SENP2: variants seen among roughly 807,000 people sequenced by gnomAD.
The protein encoded by SENP2 is sentrin-specific protease 2.
A neutral mutation model predicts 86.3 loss-of-function variants in SENP2; 16 were observed. The ratio of observed to expected loss-of-function variants is 0.19; its 90% confidence interval spans 0.13 to 0.28. SENP2 has a LOEUF of 0.28. SENP2 is among the 10% of genes least tolerant of loss of function. The probability of loss-of-function intolerance (pLI) is 1.00; values close to 1 mark genes in which losing one functional copy is unlikely to be tolerated. For missense variants in SENP2, 552 were observed against 703.0 expected (o/e 0.79, Z 2.43); for synonymous variants, 222 against 238.7 (o/e 0.93, Z 0.64).
chr3:185,598,302 A>T, intron 2 of SENP2, 110 bp from the exon 3 acceptor site: 1 of 1,206,350 alleles, frequency 8.3e-7, no homozygotes, highest in Non-Finnish European at 1.2e-6. Context: ...CACCACACCC[A>T]GCAAATAGAA....
chr3:185,617,381 G>A (rs1711661894), intron 11 of SENP2, 99 bp from the exon 12 acceptor site: 2 of 873,036 alleles, frequency 2.3e-6, no homozygotes, highest in Non-Finnish European at 3.5e-6. Context: ...AGAGTCAGGT[G>A]TTGCCGAGAT....
chr3:185,622,197 G>A (rs1408531159), intron 14 of SENP2, among the ~76,000 whole-genome samples: 1 of 152,162 alleles, frequency 6.6e-6, no homozygotes, highest in Non-Finnish European at 1.5e-5. Context: ...CTTAGGAACT[G>A]TTAGTTGGGG....
intron 7 of SENP2, 61 bp from the exon 8 acceptor site, chr3:185,611,590 T>G: frequency 1.0e-6 from 1 of 1,004,850 alleles, no homozygotes; most frequent in Admixed American, 1.8e-5. Context: ...ACAGAGATAA[T>G]GCATATTAAT....
At position 185,632,224 on chromosome 3, in the gene SENP2, G is replaced by GTTTTTTTTT. The variant is rs766556308; in HGVS notation, c.*2384_*2392dup. 34 of 71,900 alleles carry GTTTTTTTTT rather than the reference G, an allele frequency of 4.7e-4. No individual in the cohort carries two copies. Among genetic ancestry groups the GTTTTTTTTT allele is most frequent in the Middle Eastern group, 9.3e-3 (1 of 108 alleles). The allele number at this position is 71,900 out of a possible 1,614,324, so 4.5% of individuals were successfully genotyped here. Reference sequence around the variant, plus strand: ...CATTAAAGCCAGTGGTTTTTTTTTTGTTTTTTTTTTTTGTTTTTTTTTTTT... The same window carrying GTTTTTTTTT: ...CATTAAAGCCAGTGGTTTTTTTTTTGTTTTTTTTTTTTTTTTTTTTTGTTTTTTTTTTTT... On this transcript the variant is annotated 3_prime_UTR_variant, in exon 17 of 17. Transcript: ENST00000296257.
chr3:185,607,805 C>T (rs751425898), intron 6 of SENP2, among the ~76,000 whole-genome samples: 2 of 152,156 alleles, frequency 1.3e-5, no homozygotes, highest in Non-Finnish European at 2.9e-5. Flanking sequence ...GGATTACAGG[C>T]GTGAGCCACC....
intron 14 of SENP2, among the ~76,000 whole-genome samples, chr3:185,622,936 C>T (rs1250082702): frequency 6.6e-6 from 1 of 150,396 alleles, no homozygotes; most frequent in Non-Finnish European, 1.5e-5. Flanking sequence ...CGTTCCTCGG[C>T]CTCCCAAGAA....
chr3:185,610,301 C>T (rs1040122394), intron 7 of SENP2, among the ~76,000 whole-genome samples: 2 of 151,766 alleles, frequency 1.3e-5, no homozygotes, highest in African/African-American at 4.8e-5. Flanking sequence ...GCTGGGATTA[C>T]AGGCGTCCAC....
intron 2 of SENP2, among the ~76,000 whole-genome samples, chr3:185,595,416 A>G (rs1435662667): frequency 6.6e-6 from 1 of 152,190 alleles, no homozygotes; most frequent in Non-Finnish European, 1.5e-5. Flanking sequence ...AAAATGAAAA[A>G]CAACTCATTT....
chr3:185,604,179 C>T (rs766617021), intron 5 of SENP2, among the ~76,000 whole-genome samples: 9 of 152,162 alleles, frequency 5.9e-5, no homozygotes, highest in Non-Finnish European at 1.3e-4. Flanking sequence ...TTTACTTCCT[C>T]TTTGACCTGT....
At position 185,607,075 on chromosome 3, in the gene SENP2, A is replaced by G. The variant is rs528884045; in HGVS notation, c.618+577A>G. On this transcript the variant is annotated intron_variant, in intron 6 of 16. Coordinates refer to ENST00000296257, the MANE Select transcript of SENP2 (RefSeq NM_021627.3). Reference sequence around the variant, plus strand: ...TGGCTCACTGCAACCTCTGTCTCCCACGTTCCAGCATATGTTACATATTTC... The same window carrying G: ...TGGCTCACTGCAACCTCTGTCTCCCGCGTTCCAGCATATGTTACATATTTC... 1.5e-4 allele frequency among the ~76,000 whole-genome samples: 22 copies of G among 151,182 alleles called. No homozygotes were observed. In the South Asian group the frequency reaches 1.9e-3, roughly 13 times the overall value.
At position 185,586,650 on chromosome 3, in the gene SENP2, G is replaced by A. The variant is rs1577711773; in HGVS notation, c.101+136G>A. 2.6e-6 allele frequency: 2 copies of A among 778,734 alleles called. No homozygotes were observed. The highest frequency in any genetic ancestry group is 1.7e-5 in the African/African-American group (1 of 57,996). The allele number at this position is 778,734 out of a possible 1,614,324, so 48.2% of individuals were successfully genotyped here. A position where few individuals can be genotyped will look rare whatever the true frequency, so the allele number is the denominator to read the frequency against. ...GGATCCTAGTGACGTAGTCGCTCCC[G>A]CCAGGCTGTAGGGAGGCAGCTCCTG... On this transcript the variant is annotated intron_variant, in intron 1 of 16. Coordinates refer to ENST00000296257, the MANE Select transcript of SENP2 (RefSeq NM_021627.3). This position sits in a 1 kb window ranked among gnomAD's most constrained non-coding sequence, Gnocchi z 4.3.
chr3:185,587,570 A>ATTTTCTTTTTTTTTTT (rs1721827549), intron 1 of SENP2, among the ~76,000 whole-genome samples: 1 of 118,798 alleles, frequency 8.4e-6, no homozygotes, highest in Non-Finnish European at 1.7e-5. Flanking sequence ...TCAAGTGTTA[A>ATTTTCTTTTTTTTTTT]TTTTTTTTTT....
intron 8 of SENP2, 75 bp downstream of exon 8, chr3:185,611,820 A>G: frequency 2.8e-6 from 3 of 1,060,274 alleles, no homozygotes; most frequent in East Asian, 2.6e-5. Context: ...GAGGTAGAAA[A>G]TTGACATTCA....
chr3:185,587,599 C>A (rs1282018962), intron 1 of SENP2, among the ~76,000 whole-genome samples: 1 of 71,386 alleles, frequency 1.4e-5, no homozygotes, highest in African/African-American at 4.9e-5. Flanking sequence ...AGGAGTCTCG[C>A]TCTGTCCCCC....
At chr3:185,628,736 C>A (rs1392146772) in intron 16 of SENP2, among the ~76,000 whole-genome samples, 2 of 152,050 alleles carry the variant, frequency 1.3e-5, no homozygotes, top group South Asian at 2.1e-4. Context: ...GAACTCCTGG[C>A]CTCAGGTGAT....
rs1419198296 is a variant in SENP2, at chr3:185,617,624, C to T, written c.1242+13C>T. The T allele has an allele frequency of 5.6e-6, 9 of 1,608,952 alleles. No homozygotes were observed. The highest frequency in any genetic ancestry group is 6.8e-6 in the Non-Finnish European group (8 of 1,177,100). ...GCTCAATGATGAAGTAAGTTGTATTCCCTCCCCCTTTTGGCTATCATTAAG... is the reference window on the plus strand; with the variant it reads ...GCTCAATGATGAAGTAAGTTGTATTTCCTCCCCCTTTTGGCTATCATTAAG... On this transcript the variant is annotated intron_variant, in intron 12 of 16. Transcript: ENST00000296257.
At chr3:185,600,995 A>T (rs1461070405) in intron 5 of SENP2, 140 bp downstream of exon 5, 3 of 586,554 alleles carry the variant, frequency 5.1e-6, no homozygotes, top group Non-Finnish European at 9.3e-6. Flanking sequence ...TCATGCAGCC[A>T]GTGAGAGACT....
chr3:185,594,100 T>C (rs1577718764), intron 2 of SENP2, among the ~76,000 whole-genome samples: 2 of 152,038 alleles, frequency 1.3e-5, no homozygotes, highest in East Asian at 3.8e-4. Flanking sequence ...TTATCTTTTT[T>C]TTTTAAGCCA....
At chr3:185,606,775 G>A (rs1722528307) in intron 6 of SENP2, 1 of 513,004 alleles carries the variant, frequency 1.9e-6, no homozygotes, top group Non-Finnish European at 3.6e-6. Flanking sequence ...GGCCACGTGT[G>A]CTCAGTGAGT....
Sources: gnomAD v4.1 joint callset for allele counts (sites outside exome capture counted in the v4.1 genomes callset) on GRCh38, gnomAD v4.1.1 for gene constraint, Gnocchi (gnomAD v3.1) non-coding constraint, MANE v1.5 for transcripts, NCBI Gene and HGNC (gene_info 2026-07-23, HGNC 2026-07-21) for gene names.